Variants in PRMT8 observed in about 807,000 individuals in gnomAD.
PRMT8 encodes the protein protein arginine N-methyltransferase 8.
PRMT8 carries 7 observed loss-of-function variants against 47.1 expected under a neutral mutation model. The ratio of observed to expected loss-of-function variants is 0.15; its 90% CI spans 0.08 to 0.28. The LOEUF (loss-of-function observed/expected upper bound fraction) is 0.28, where lower values mean the gene tolerates loss of function less well. PRMT8 is among the 10% of genes least tolerant of loss of function. The pLI, the probability that PRMT8 is intolerant of heterozygous loss-of-function variation, is 1.00. For synonymous variants in PRMT8, 188 were observed against 186.5 expected (o/e 1.01, Z -0.07); for missense variants, 237 against 505.4 (o/e 0.47, Z 5.09).
intron 1 of PRMT8, among the ~76,000 whole-genome samples, chr12:3,520,604 G>A (rs929227967): frequency 2.2e-4 from 33 of 152,204 alleles, no homozygotes; most frequent in Non-Finnish European, 4.6e-4. Context: ...AATGGAATAA[G>A]GCTGTTTGTA....
chr12:3,568,905 C>T (rs2137206341), intron 5 of PRMT8, 57 bp downstream of exon 5: 3 of 1,606,138 alleles, frequency 1.9e-6, no homozygotes, highest in Non-Finnish European at 2.6e-6. Flanking sequence ...GCTCCTCTAC[C>T]CAAGGCCTGC....
intron 1 of PRMT8, among the ~76,000 whole-genome samples, chr12:3,443,004 A>G (rs186182861): frequency 3.9e-4 from 60 of 152,318 alleles, no homozygotes; most frequent in South Asian, 1.2e-3. Flanking sequence ...GATAATTTTT[A>G]AAAAAGTAAA....
chr12:3,429,823 A>G (rs1032743625), intron 1 of PRMT8, among the ~76,000 whole-genome samples: 2 of 152,190 alleles, frequency 1.3e-5, no homozygotes, highest in South Asian at 2.1e-4. Flanking sequence ...CACCGGGGCA[A>G]TTGCCTACCC....
At chr12:3,441,906 G>C (rs1414176934) in intron 1 of PRMT8, among the ~76,000 whole-genome samples, 1 of 152,158 alleles carries the variant, frequency 6.6e-6, no homozygotes, top group African/African-American at 2.4e-5. Flanking sequence ...TTTAGAAACA[G>C]GTAACAGAAA....
intron 6 of PRMT8, among the ~76,000 whole-genome samples, chr12:3,573,557 G>A (rs1014592833): frequency 1.3e-5 from 2 of 151,984 alleles, no homozygotes; most frequent in East Asian, 3.9e-4. Flanking sequence ...ATTAATGCTG[G>A]GCATTGTGAG....
rs1162853849 is a variant in PRMT8 at position 3,456,753 on chromosome 12, G to T, written c.48+75311G>T. ...GGGGCCAACGCCCGGAGCAGCCACC[G>T]TTTCTTACACCCTTGACTAAGATTG... is the stretch of plus-strand genomic sequence containing the variant. On this transcript the variant is annotated intron_variant, in intron 1 of 9. Coordinates refer to the PRMT8 transcript ENST00000452611. This position sits in a 1 kb window ranked among gnomAD's most constrained non-coding sequence, Gnocchi z 4.2. Among the ~76,000 whole-genome samples the T allele has an allele frequency of 2.0e-5, 3 of 151,986 alleles. No homozygotes were observed. Among genetic ancestry groups the T allele is most frequent in the African/African-American group, 7.3e-5 (3 of 41,360 alleles).
At chr12:3,506,631 G>A (rs1865629202) in intron 1 of PRMT8, among the ~76,000 whole-genome samples, 1 of 152,186 alleles carries the variant, frequency 6.6e-6, no homozygotes, top group Admixed American at 6.5e-5. Flanking sequence ...TCAGGTGTTT[G>A]TCCACATCTA....
At chr12:3,481,543 C>T (rs1197655617) in intron 1 of PRMT8, among the ~76,000 whole-genome samples, 4 of 152,138 alleles carry the variant, frequency 2.6e-5, no homozygotes, top group Non-Finnish European at 5.9e-5. Flanking sequence ...TCTGAGAGTA[C>T]TGGGATGCAG....
chr12:3,445,486 G>A (rs1369429658), intron 1 of PRMT8, among the ~76,000 whole-genome samples: 1 of 152,172 alleles, frequency 6.6e-6, no homozygotes, highest in African/African-American at 2.4e-5. Flanking sequence ...TTAGCCCAGT[G>A]CCTGGCACTC....
At chr12:3,556,772 C>G (rs181233747) in intron 4 of PRMT8, among the ~76,000 whole-genome samples, 1 of 152,308 alleles carries the variant, frequency 6.6e-6, no homozygotes, top group African/African-American at 2.4e-5. Flanking sequence ...AATTCAGCAG[C>G]AAAGACCTTG....
chr12:3,406,746 G>C (rs1864376389), intron 1 of PRMT8, among the ~76,000 whole-genome samples: 1 of 152,170 alleles, frequency 6.6e-6, no homozygotes, highest in African/African-American at 2.4e-5. Flanking sequence ...CAACAAATCT[G>C]TAGGAAGTTC....
chr12:3,416,334 C>T (rs905810864), intron 1 of PRMT8, among the ~76,000 whole-genome samples: 4 of 152,214 alleles, frequency 2.6e-5, no homozygotes, highest in African/African-American at 4.8e-5. Flanking sequence ...CTAATCCTCA[C>T]CATCTTCAGC....
intron 4 of PRMT8, among the ~76,000 whole-genome samples, chr12:3,562,369 G>A (rs886140783): frequency 6.6e-6 from 1 of 151,886 alleles, no homozygotes; most frequent in Non-Finnish European, 1.5e-5. Flanking sequence ...ACTAGGTCCT[G>A]TGTCGGGCAT....
At chr12:3,498,323 G>A (rs1188096979) in intron 1 of PRMT8, among the ~76,000 whole-genome samples, 1 of 152,234 alleles carries the variant, frequency 6.6e-6, no homozygotes, top group Non-Finnish European at 1.5e-5. Context: ...GAAGGCATGA[G>A]AAGAACCAGA....
chr12:3,497,596 C>A (rs1018282498), intron 1 of PRMT8, among the ~76,000 whole-genome samples: 2 of 152,142 alleles, frequency 1.3e-5, no homozygotes, highest in African/African-American at 4.8e-5. Flanking sequence ...TGGTATTAGA[C>A]TTCTAATAGG....
At chr12:3,455,531 C>T (rs1864965103) in intron 1 of PRMT8, among the ~76,000 whole-genome samples, 1 of 152,078 alleles carries the variant, frequency 6.6e-6, no homozygotes, top group South Asian at 2.1e-4. Context: ...AAAGAAATGC[C>T]ACTCACTGCC....
chr12:3,491,800 G>GC, intron 1 of PRMT8, 100 bp downstream of exon 1: 1 of 1,317,330 alleles, frequency 7.6e-7, no homozygotes, highest in Non-Finnish European at 1.0e-6. Context: ...ACTTTCCCCA[G>GC]TTTCATCCCG....
intron 1 of PRMT8, among the ~76,000 whole-genome samples, chr12:3,449,659 A>G (rs112806742): frequency 0.043 from 6,612 of 152,188 alleles, 215 homozygotes; most frequent in African/African-American, 0.085. Context: ...TAGATTGCAA[A>G]CTTTTTCTCC....
At chr12:3,458,728 C>G (rs1365442647) in intron 1 of PRMT8, among the ~76,000 whole-genome samples, 1 of 152,188 alleles carries the variant, frequency 6.6e-6, no homozygotes, top group East Asian at 1.9e-4. Context: ...TCAATGTCTG[C>G]TCTAACTGGC....
Sources: allele counts gnomAD v4.1 joint callset (sites outside exome capture counted in the v4.1 genomes callset), GRCh38; gene constraint gnomAD v4.1.1; non-coding constraint Gnocchi (gnomAD v3.1); transcripts MANE v1.5; gene names NCBI Gene and HGNC (gene_info 2026-07-23, HGNC 2026-07-21).